SLC35F4: variants seen among roughly 807,000 people sequenced by gnomAD.
SLC35F4 encodes the protein solute carrier family 35 member F4, also known as chromosome 14 open reading frame 36.
A neutral mutation model predicts 44.2 loss-of-function variants in SLC35F4; 24 were observed. The observed-to-expected ratio is 0.54, with a 90% confidence interval of 0.39 to 0.76. The LOEUF is 0.76. Among genes scored for constraint, SLC35F4 ranks in the 30% least tolerant of loss-of-function variants. The probability of loss-of-function intolerance (pLI) is 0.00; values close to 1 mark genes in which losing one functional copy is unlikely to be tolerated. For missense variants in SLC35F4, 562 were observed against 586.1 expected, an observed-to-expected ratio of 0.96 and a Z score of 0.42; for synonymous variants, 238 against 223.6, an observed-to-expected ratio of 1.06 and a Z score of -0.57.
chr14:57,818,163 C>T (rs943471264), intron 1 of SLC35F4, among the ~76,000 whole-genome samples: 11 of 152,098 alleles, frequency 7.2e-5, no homozygotes, highest in African/African-American at 2.4e-4. Context: ...AAATAATTGC[C>T]CCCATGGCAT....
At chr14:57,880,239 G>T (rs1251566460) in intron 1 of SLC35F4, among the ~76,000 whole-genome samples, 1 of 152,148 alleles carries the variant, frequency 6.6e-6, no homozygotes, top group Non-Finnish European at 1.5e-5. Flanking sequence ...TGTACTTAAA[G>T]CAATTTGCAT....
chr14:57,745,359 T>C (rs946378744), intron 1 of SLC35F4, among the ~76,000 whole-genome samples: 1 of 152,094 alleles, frequency 6.6e-6, no homozygotes, highest in Non-Finnish European at 1.5e-5. Context: ...ATATCCAGAA[T>C]CTACAAAGAA....
At chr14:57,867,727 C>CACTTTTG (rs1399300377), upstream of SLC35F4, among the ~76,000 whole-genome samples, 34 of 152,000 alleles carry the variant, frequency 2.2e-4, no homozygotes, top group African/African-American at 8.0e-4. Context: ...TTTTAAATGT[C>CACTTTTG]ACTTTTGTTT....
intron 1 of SLC35F4, among the ~76,000 whole-genome samples, chr14:57,705,531 T>C (rs1378681254): frequency 6.6e-6 from 1 of 152,172 alleles, no homozygotes; most frequent in African/African-American, 2.4e-5. Flanking sequence ...TGACTAGGTC[T>C]AGACAAATGG....
At position 57,623,092 on chromosome 14, in the gene SLC35F4, G is replaced by C. The variant is rs572961720; in HGVS notation, c.104-28968C>G. ...CATCTCACTTGCAAATCACACATAG[G>C]CTCTAAAATAAGAGATGGAAGAATA... On this transcript the variant is annotated intron_variant, in intron 1 of 7. Transcript: ENST00000556826. Among the ~76,000 whole-genome samples, 147 of 152,086 alleles carry C rather than the reference G, an allele frequency of 9.7e-4. 1 individual carries two copies. The highest frequency in any genetic ancestry group is 3.4e-3 in the African/African-American group (142 of 41,490).
intron 1 of SLC35F4, among the ~76,000 whole-genome samples, chr14:57,637,455 C>T (rs1233176844): frequency 1.3e-5 from 2 of 152,118 alleles, no homozygotes; most frequent in Non-Finnish European, 2.9e-5. Flanking sequence ...GCGCCCAGCT[C>T]CCTGGCCCTG....
At chr14:57,891,883 A>C (rs1888775867) in intron 1 of SLC35F4, among the ~76,000 whole-genome samples, 2 of 152,182 alleles carry the variant, frequency 1.3e-5, no homozygotes, top group Non-Finnish European at 2.9e-5. Flanking sequence ...TCAAACAAAC[A>C]AAAAAGATTC....
chr14:57,723,984 G>A lies in SLC35F4; in HGVS notation c.104-129860C>T, dbSNP rs577397042. Among the ~76,000 whole-genome samples the A allele has an allele frequency of 3.7e-3, 557 of 152,230 alleles. 3 individuals carry two copies. Among genetic ancestry groups the A allele is most frequent in the Non-Finnish European group, 4.8e-3 (328 of 68,012 alleles). ...GGGGTCAAGAGGTGTGGGGCCTGTCGAGATATTTCTTCTAAAGGATAAGTT... is the reference window on the plus strand; with the variant it reads ...GGGGTCAAGAGGTGTGGGGCCTGTCAAGATATTTCTTCTAAAGGATAAGTT... On this transcript the variant is annotated intron_variant, in intron 1 of 7. Transcript: ENST00000556826.
chr14:57,909,356 T>C (rs10135017), intron 1 of SLC35F4, among the ~76,000 whole-genome samples: 24,067 of 152,052 alleles, frequency 0.16, 2,224 homozygotes, highest in African/African-American at 0.24. Context: ...TTGATAAATA[T>C]ATAGTAACAA....
intron 1 of SLC35F4, among the ~76,000 whole-genome samples, chr14:57,897,277 G>A (rs1888893670): frequency 6.6e-6 from 1 of 152,054 alleles, no homozygotes. Context: ...TTAGCATTGT[G>A]TGGGAAAGGA....
At chr14:57,806,067 A>C (rs928467465) in intron 1 of SLC35F4, among the ~76,000 whole-genome samples, 1 of 152,184 alleles carries the variant, frequency 6.6e-6, no homozygotes, top group Non-Finnish European at 1.5e-5. Context: ...TACCACTGGA[A>C]ATTACATTTC....
At chr14:57,663,724 C>A (rs1363553524) in intron 1 of SLC35F4, among the ~76,000 whole-genome samples, 2 of 152,110 alleles carry the variant, frequency 1.3e-5, no homozygotes, top group South Asian at 2.1e-4. Context: ...CTTCACAATC[C>A]CCACAAATTG....
At chr14:57,776,665 C>CAAAAAAAAAAAAAAAAAAAA (rs57272978) in intron 1 of SLC35F4, among the ~76,000 whole-genome samples, 4 of 72,070 alleles carry the variant, frequency 5.6e-5, no homozygotes, top group African/African-American at 1.8e-4. Flanking sequence ...GACTCCATCT[C>CAAAAAAAAAAAAAAAAAAAA]AAAAAAAAAA....
chr14:57,596,560 T>C (rs938192556), intron 1 of SLC35F4: 6 of 377,920 alleles, frequency 1.6e-5, no homozygotes, highest in African/African-American at 4.2e-5. Context: ...CAGGGTAATA[T>C]TGGGTTTCAT....
At chr14:57,580,255 C>A (rs1021319590) in intron 4 of SLC35F4, among the ~76,000 whole-genome samples, 4 of 152,010 alleles carry the variant, frequency 2.6e-5, no homozygotes, top group African/African-American at 4.8e-5. Flanking sequence ...CATCATAAAC[C>A]CTCTCTCTAA....
intron 1 of SLC35F4, among the ~76,000 whole-genome samples, chr14:57,603,455 C>T (rs376336502): frequency 6.6e-6 from 1 of 152,168 alleles, no homozygotes; most frequent in Non-Finnish European, 1.5e-5. Flanking sequence ...GAAACAGTGC[C>T]CTACATCCTA....
chr14:57,861,743 T>C (rs1263842790), intron 1 of SLC35F4, among the ~76,000 whole-genome samples: 1 of 152,214 alleles, frequency 6.6e-6, no homozygotes, highest in African/African-American at 2.4e-5. Context: ...AAACTCTTTA[T>C]TTACTGGCTT....
At chr14:57,917,891 C>T (rs1889361470) in intron 1 of SLC35F4, among the ~76,000 whole-genome samples, 2 of 152,096 alleles carry the variant, frequency 1.3e-5, no homozygotes, top group South Asian at 4.2e-4. Flanking sequence ...TGAACCTTAC[C>T]AGTGCTTCTC....
At chr14:57,616,515 T>C (rs2071840954) in intron 1 of SLC35F4, among the ~76,000 whole-genome samples, 1 of 152,140 alleles carries the variant, frequency 6.6e-6, no homozygotes, top group Non-Finnish European at 1.5e-5. Flanking sequence ...ACACTGAGAA[T>C]TCCCCAAAGA....
Sources: gnomAD v4.1 joint callset for allele counts (sites outside exome capture counted in the v4.1 genomes callset) on GRCh38, gnomAD v4.1.1 for gene constraint, MANE v1.5 for transcripts, NCBI Gene and HGNC (gene_info 2026-07-23, HGNC 2026-07-21) for gene names.